Variants in GOLPH3L observed in about 807,000 individuals in gnomAD.
GOLPH3L encodes the protein golgi phosphoprotein 3 like.
A neutral mutation model predicts 30.3 loss-of-function variants in GOLPH3L; 22 were observed. The observed-to-expected ratio is 0.73, with a 90% CI of 0.52 to 1.04. The LOEUF (loss-of-function observed/expected upper bound fraction) is 1.04, where lower values mean the gene tolerates loss of function less well. Ranked by LOEUF, GOLPH3L falls within the 50% of genes least tolerant of loss-of-function variation. GOLPH3L has a pLI of 0.00. For synonymous variants in GOLPH3L, 120 were observed against 128.2 expected, an observed-to-expected ratio of 0.94 and a Z score of 0.43; for missense variants, 303 against 345.8, an observed-to-expected ratio of 0.88 and a Z score of 0.98.
chr1:150,663,869 A>C lies in GOLPH3L; in HGVS notation c.184-106T>G, dbSNP rs1028881952. ...TTTGTTGTGATTCGTTTCACATCAT[A>C]CTACATGAACTCAAAGTATAGAGTA... On this transcript the variant is annotated intron_variant, in intron 2 of 4. Transcript: ENST00000271732. 1.1e-5 allele frequency: 9 copies of C among 798,832 alleles called. No individual in the cohort carries two copies. In the African/African-American group the frequency reaches 1.5e-4, roughly 14 times the overall value. 49.5% of individuals were successfully genotyped at this position (798,832 alleles called of 1,614,324 possible). A position where few individuals can be genotyped will look rare whatever the true frequency, so the allele number is the denominator to read the frequency against.
intron 4 of GOLPH3L, 143 bp from the exon 5 acceptor site, chr1:150,648,891 A>T (rs922056824): frequency 5.6e-5 from 35 of 625,274 alleles, no homozygotes; most frequent in Non-Finnish European, 9.0e-5. Flanking sequence ...GTCCTTTATA[A>T]TCTGGCTTTG....
At chr1:150,668,321 A>C (rs1479003262) in intron 2 of GOLPH3L, among the ~76,000 whole-genome samples, 1 of 152,150 alleles carries the variant, frequency 6.6e-6, no homozygotes, top group African/African-American at 2.4e-5. Context: ...CTTTGACTCA[A>C]GGTTGGGATT....
intron 2 of GOLPH3L, among the ~76,000 whole-genome samples, chr1:150,668,429 C>T (rs1256220725): frequency 6.6e-6 from 1 of 152,172 alleles, no homozygotes; most frequent in Non-Finnish European, 1.5e-5. Flanking sequence ...GTCGCCCAGG[C>T]TGGGGTGCAG....
intron 2 of GOLPH3L, among the ~76,000 whole-genome samples, chr1:150,678,640 C>A (rs1208187585): frequency 6.6e-6 from 1 of 151,940 alleles, no homozygotes; most frequent in East Asian, 1.9e-4. Flanking sequence ...TTTTTGTATG[C>A]CTGAATTATT....
At chr1:150,658,060 T>A (rs996346117) in intron 4 of GOLPH3L, among the ~76,000 whole-genome samples, 1 of 152,234 alleles carries the variant, frequency 6.6e-6, no homozygotes, top group Non-Finnish European at 1.5e-5. Flanking sequence ...AATCAACAGC[T>A]GATTTGGATA....
chr1:150,683,734 G>GAAAA (rs1651019584), intron 2 of GOLPH3L, among the ~76,000 whole-genome samples: 1 of 41,582 alleles, frequency 2.4e-5, no homozygotes, highest in Non-Finnish European at 4.9e-5. Context: ...AAAAAAAAAA[G>GAAAA]AGAGATACTC....
At chr1:150,680,187 A>T (rs1650917733) in intron 2 of GOLPH3L, among the ~76,000 whole-genome samples, 1 of 152,176 alleles carries the variant, frequency 6.6e-6, no homozygotes, top group South Asian at 2.1e-4. Context: ...AAGAGTGCAG[A>T]TCTAAGACTG....
intron 4 of GOLPH3L, among the ~76,000 whole-genome samples, chr1:150,660,243 C>T (rs912095161): frequency 1.3e-4 from 20 of 151,720 alleles, no homozygotes; most frequent in African/African-American, 4.8e-4. Context: ...TTTAGGCCTA[C>T]TCGGATGTCT....
At chr1:150,687,321 T>C (rs1481070981) in intron 2 of GOLPH3L, among the ~76,000 whole-genome samples, 2 of 152,150 alleles carry the variant, frequency 1.3e-5, no homozygotes, top group Non-Finnish European at 2.9e-5. Context: ...CTCACATCTG[T>C]AATCCCAGCA....
At chr1:150,652,420 AC>A (rs1402716430) in intron 4 of GOLPH3L, among the ~76,000 whole-genome samples, 128 of 150,650 alleles carry the variant, frequency 8.5e-4, no homozygotes, top group South Asian at 3.7e-3. Context: ...CCTAAAAAAA[AC>A]AAAACAAAAA....
intron 4 of GOLPH3L, among the ~76,000 whole-genome samples, chr1:150,658,528 G>A (rs1204395136): frequency 1.4e-4 from 21 of 152,192 alleles, no homozygotes. Flanking sequence ...AGAAACCTAT[G>A]TGTAAACAAA....
intron 4 of GOLPH3L, among the ~76,000 whole-genome samples, chr1:150,651,762 T>C (rs1650110784): frequency 6.7e-6 from 1 of 149,986 alleles, no homozygotes; most frequent in Admixed American, 6.6e-5. Flanking sequence ...AAAGAAATTA[T>C]GTAATATGAA....
chr1:150,679,413 T>A (rs587733161), intron 2 of GOLPH3L, among the ~76,000 whole-genome samples: 2 of 152,328 alleles, frequency 1.3e-5, no homozygotes, highest in Admixed American at 1.3e-4. Flanking sequence ...GTTCCTCACC[T>A]ATTACCAAAA....
rs587668667 is a variant in GOLPH3L at position 150,653,305 on chromosome 1, T to A, written c.431-4557A>T. Among the ~76,000 whole-genome samples, 202 of 149,534 alleles carry A rather than the reference T, an allele frequency of 1.4e-3. 2 individuals are homozygous for A. In the South Asian group the frequency reaches 0.024, roughly 17 times the overall value. ...ATAAATCTTTTTTTTTTTATTTTTTTTTTTTTTTGAGACGGAGTCTCACAC... is the reference window on the plus strand; with the variant it reads ...ATAAATCTTTTTTTTTTTATTTTTTATTTTTTTTGAGACGGAGTCTCACAC... On this transcript the variant is annotated intron_variant, in intron 4 of 4. Transcript: ENST00000271732.
At chr1:150,661,781 G>A in intron 4 of GOLPH3L, 33 bp downstream of exon 4, 1 of 935,654 alleles carries the variant, frequency 1.1e-6, no homozygotes, top group South Asian at 1.3e-5. Context: ...ATAACAAAGT[G>A]TGAAATTCAT....
At chr1:150,658,124 G>C (rs774963540) in intron 4 of GOLPH3L, among the ~76,000 whole-genome samples, 2 of 152,158 alleles carry the variant, frequency 1.3e-5, no homozygotes, top group Non-Finnish European at 2.9e-5. Flanking sequence ...AAGAGATTCC[G>C]GGAGGATCCC....
intron 4 of GOLPH3L, among the ~76,000 whole-genome samples, chr1:150,653,297 TA>T (rs144429393): frequency 0.32 from 41,980 of 132,354 alleles, 5,707 homozygotes; most frequent in South Asian, 0.46. Flanking sequence ...TTTTTTTTTT[TA>T]TTTTTTTTTT....
At chr1:150,678,866 G>T (rs1224218898) in intron 2 of GOLPH3L, among the ~76,000 whole-genome samples, 3 of 152,088 alleles carry the variant, frequency 2.0e-5, no homozygotes, top group African/African-American at 7.2e-5. Context: ...AGGCAGAACT[G>T]CTTGAACCTG....
intron 4 of GOLPH3L, among the ~76,000 whole-genome samples, chr1:150,652,405 A>AAAC (rs1650140899): frequency 6.7e-6 from 1 of 148,652 alleles, no homozygotes; most frequent in African/African-American, 2.5e-5. Flanking sequence ...AAAAAAAAAA[A>AAAC]AAACCCTAAA....
Sources: allele counts gnomAD v4.1 joint callset (sites outside exome capture counted in the v4.1 genomes callset), GRCh38; gene constraint gnomAD v4.1.1; transcripts MANE v1.5; gene names NCBI Gene and HGNC (gene_info 2026-07-23, HGNC 2026-07-21).